The following KLF12 variants were observed in gnomAD, a reference collection of about 807,000 sequenced individuals.
KLF12 encodes the protein Krueppel-like factor 12.
In KLF12, 9 loss-of-function variants were observed where a neutral mutation model predicts 37.8. That is an observed-to-expected ratio of 0.24 (90% confidence interval 0.14 to 0.42). KLF12 has a LOEUF of 0.42. Ranked by LOEUF, KLF12 falls within the 10% of genes least tolerant of loss-of-function variation. KLF12 has a pLI of 1.00. For missense variants in KLF12, 411 were observed against 516.0 expected, an observed-to-expected ratio of 0.80 and a Z score of 1.97; for synonymous variants, 208 against 202.1, an observed-to-expected ratio of 1.03 and a Z score of -0.25.
intron 5 of KLF12, among the ~76,000 whole-genome samples, chr13:73,782,838 T>A (rs1021299834): frequency 6.6e-6 from 1 of 152,230 alleles, no homozygotes; most frequent in Non-Finnish European, 1.5e-5. Context: ...CTACTGTGTC[T>A]GGGGCTCTAA....
intron 3 of KLF12, among the ~76,000 whole-genome samples, chr13:73,887,120 A>T (rs1312872772): frequency 6.6e-6 from 1 of 152,206 alleles, no homozygotes; most frequent in African/African-American, 2.4e-5. Context: ...GGACACCAAA[A>T]ATCTTCAAAA....
the KLF12 span, among the ~76,000 whole-genome samples, chr13:74,171,244 G>A: frequency 6.6e-6 from 1 of 152,158 alleles, no homozygotes; most frequent in African/African-American, 2.4e-5. Context: ...CTCAAAGAGT[G>A]AAACTATCAC....
chr13:73,760,515 C>T (rs1357740646), intron 6 of KLF12, among the ~76,000 whole-genome samples: 1 of 151,768 alleles, frequency 6.6e-6, no homozygotes, highest in African/African-American at 2.4e-5. Flanking sequence ...AGTGAGCTGG[C>T]GTCTCACTAT....
chr13:73,790,900 G>A lies in KLF12; in HGVS notation c.806+22252C>T, dbSNP rs566984162. On this transcript the variant is annotated intron_variant, in intron 5 of 7. Transcript: ENST00000377669. The stretch of plus-strand genomic sequence containing the variant: ...TCAGCCTGGGCTTTCACTAAACCAT[G>A]CTCTCTCTTCCATGAAAGTCTCCCC... 2.0e-5 allele frequency among the ~76,000 whole-genome samples: 3 copies of A among 152,254 alleles called. No homozygotes were observed. In the East Asian group the frequency reaches 5.8e-4, roughly 29 times the overall value.
At chr13:74,161,877 G>A in the KLF12 span, among the ~76,000 whole-genome samples, 1 of 152,138 alleles carries the variant, frequency 6.6e-6, no homozygotes, top group Non-Finnish European at 1.5e-5. Flanking sequence ...GGGTCAGGGG[G>A]AATCATATGA....
chr13:73,856,435 G>T (rs755047517), intron 3 of KLF12, among the ~76,000 whole-genome samples: 1 of 152,128 alleles, frequency 6.6e-6, no homozygotes, highest in Non-Finnish European at 1.5e-5. Context: ...GAATCCTGTT[G>T]AACTGTCTCA....
At chr13:74,088,296 G>A (rs906090308) in intron 1 of KLF12, among the ~76,000 whole-genome samples, 3 of 151,170 alleles carry the variant, frequency 2.0e-5, no homozygotes, top group Admixed American at 6.6e-5. Flanking sequence ...ACAGTCTTGC[G>A]CTGTTGCCCA....
chr13:73,896,480 A>G (rs1324348660), intron 3 of KLF12, among the ~76,000 whole-genome samples: 2 of 152,180 alleles, frequency 1.3e-5, no homozygotes, highest in East Asian at 1.9e-4. Flanking sequence ...GGAGCCTCCA[A>G]GTCTCTGACT....
Position 73,738,118 on chromosome 13 carries a change from T to G in KLF12, c.870-22593A>C, listed in dbSNP as rs1359295138. Among the ~76,000 whole-genome samples, 2 of 65,316 alleles carry G rather than the reference T, an allele frequency of 3.1e-5. 1 individual carries two copies. The highest frequency in any genetic ancestry group is 8.2e-4 in the South Asian group (2 of 2,434). The allele number at this position is 65,316 out of a possible 152,430, so 42.8% of individuals were successfully genotyped here. On this transcript the variant is annotated intron_variant, in intron 6 of 7. Coordinates refer to ENST00000377669, the MANE Select transcript of KLF12 (RefSeq NM_007249.5). ...ATATATATATATATATATATATATA[T>G]ATATATACACACACACACATATATA...
At position 74,116,562 on chromosome 13, in the gene KLF12, T is replaced by G. The variant is rs572598976; in HGVS notation, c.-32+17177A>C. Among the ~76,000 whole-genome samples, 49 of 152,288 alleles carry G rather than the reference T, an allele frequency of 3.2e-4. 1 individual carries two copies. The South Asian group carries it at 5.6e-3, about 17-fold the overall frequency. On this transcript the variant is annotated intron_variant, in intron 1 of 7. Coordinates refer to ENST00000377669, the MANE Select transcript of KLF12 (RefSeq NM_007249.5). ...ATCATGAACATTCACTGAGAATAAG[T>G]TGATTCCCATGGCTATGATTGTTTC...
the KLF12 span, among the ~76,000 whole-genome samples, chr13:74,206,179 C>T: frequency 6.6e-6 from 1 of 151,948 alleles, no homozygotes; most frequent in Non-Finnish European, 1.5e-5. Flanking sequence ...TTTCATTACC[C>T]ATTCATTATA....
chr13:74,117,085 A>T (rs945494992), intron 1 of KLF12, among the ~76,000 whole-genome samples: 4 of 152,058 alleles, frequency 2.6e-5, no homozygotes, highest in Admixed American at 6.5e-5. Flanking sequence ...TCAGTTTATT[A>T]AAAAAATAAG....
intron 1 of KLF12, among the ~76,000 whole-genome samples, chr13:74,131,648 T>C (rs1458401926): frequency 6.6e-6 from 1 of 152,174 alleles, no homozygotes; most frequent in Non-Finnish European, 1.5e-5. Flanking sequence ...GCTGACTGCA[T>C]TGCTAAGTAG....
At position 74,092,461 on chromosome 13, in the gene KLF12, T is replaced by TAA. The variant is rs35771392; in HGVS notation, c.-32+41276_-32+41277dup. 4.0e-3 allele frequency among the ~76,000 whole-genome samples: 572 copies of TAA among 142,188 alleles called. 15 individuals are homozygous for TAA. Among genetic ancestry groups the TAA allele is most frequent in the Admixed American group, 0.032 (459 of 14,390 alleles). 93.3% of individuals were successfully genotyped at this position (142,188 alleles called of 152,430 possible). ...CAACATGGTGAAACCCCGTCTCTAC[T>TAA]AAAAAAAAAAAAATTAGCCGGGTGT... On this transcript the variant is annotated intron_variant, in intron 1 of 7. Transcript: ENST00000377669.
At chr13:73,829,622 G>A (rs1353267659) in intron 4 of KLF12, among the ~76,000 whole-genome samples, 3 of 152,036 alleles carry the variant, frequency 2.0e-5, no homozygotes, top group Non-Finnish European at 4.4e-5. Context: ...TAATATGCCC[G>A]GGTATCAGAT....
chr13:73,717,257 G>T lies in KLF12; in HGVS notation c.870-1732C>A, dbSNP rs192852279. 3.8e-3 allele frequency among the ~76,000 whole-genome samples: 576 copies of T among 152,286 alleles called. 5 individuals are homozygous for T. The highest frequency in any genetic ancestry group is 0.013 in the African/African-American group (535 of 41,548). On this transcript the variant is annotated intron_variant, in intron 6 of 7. Transcript: ENST00000377669. ...AAGCTGAGGCAGGAGAACTGCTTGA[G>T]CCCAAGAATCTGAGACCAACCTAGG...
chr13:73,887,258 G>A (rs544968507), intron 3 of KLF12, among the ~76,000 whole-genome samples: 144 of 152,262 alleles, frequency 9.5e-4, no homozygotes, highest in African/African-American at 3.3e-3. Context: ...AGATGGCAAA[G>A]AGAATTAAAA....
chr13:74,209,042 A>G, the KLF12 span, among the ~76,000 whole-genome samples: 1 of 152,124 alleles, frequency 6.6e-6, no homozygotes, highest in Non-Finnish European at 1.5e-5. Context: ...GTGACGTAAC[A>G]GTATACTAGA....
chr13:73,748,058 T>G (rs1878491889), intron 6 of KLF12, among the ~76,000 whole-genome samples: 1 of 152,174 alleles, frequency 6.6e-6, no homozygotes, highest in South Asian at 2.1e-4. Context: ...AGGGAAGTGT[T>G]GAAAACGATG....
Sources: gnomAD v4.1 joint callset for allele counts (sites outside exome capture counted in the v4.1 genomes callset) on GRCh38, gnomAD v4.1.1 for gene constraint, MANE v1.5 for transcripts, NCBI Gene and HGNC (gene_info 2026-07-23, HGNC 2026-07-21) for gene names.